EZHIP: variants seen among roughly 807,000 people sequenced by gnomAD.
EZHIP encodes the protein EZH inhibitory protein.
For missense variants in EZHIP, 428 were observed against 204.2 expected, an observed-to-expected ratio of 2.10 and a Z score of -6.68; for synonymous variants, 192 against 86.5, an observed-to-expected ratio of 2.22 and a Z score of -6.77.
At position 51,407,159 on chromosome X, in the gene EZHIP, T is replaced by G. The variant is rs781888788; in HGVS notation, c.143T>G (p.Val48Gly). 1 of 568,434 alleles carries G rather than the reference T, an allele frequency of 1.8e-6. No individual in the cohort carries two copies. The highest frequency in any genetic ancestry group is 2.2e-5 in the African/African-American group (1 of 44,587). The allele number at this position is 568,434 out of a possible 1,213,427, so 46.8% of individuals were successfully genotyped here. ...NQDPAASVTTVSSQASPSGGA... is the reference protein window; with the variant it reads ...NQDPAASVTTGSSQASPSGGA... The stretch of plus-strand genomic sequence containing the variant: ...GATCCTGCTGCTTCCGTCACCACAG[T>G]CTCCAGCCAAGCATCTCCCTCGGGC... Residue 48 changes from valine (V) to glycine (G), a missense_variant, in exon 1 of 1, where the codon GTC (valine) becomes GGC (glycine). Val to Gly is a moderately radical substitution (Grantham distance 109). Transcript: ENST00000342995.
chrX:51,407,032 G>A lies in EZHIP; in HGVS notation c.16G>A (p.Asp6Asn), dbSNP rs1454054429. 1.1e-5 allele frequency: 6 copies of A among 567,892 alleles called. No homozygotes were observed. Among genetic ancestry groups the A allele is most frequent in the Non-Finnish European group, 1.6e-5 (5 of 308,268 alleles). 46.8% of individuals were successfully genotyped at this position (567,892 alleles called of 1,213,427 possible). A position where few individuals can be genotyped will look rare whatever the true frequency, so the allele number is the denominator to read the frequency against. The change falls in exon 1 of 1, where the codon GAC becomes AAC. Residue 6 changes from aspartate (D) to asparagine (N), a missense_variant. By Grantham distance (23) the Asp-to-Asn change is conservative. Coordinates refer to ENST00000342995, the MANE Select transcript of EZHIP (RefSeq NM_203407.3). ...ACCTGGCGTTATGGCCACTCAGTCAGACATGGAGAAGGAGCAGAAGCACCA... is the reference window on the plus strand; with the variant it reads ...ACCTGGCGTTATGGCCACTCAGTCAAACATGGAGAAGGAGCAGAAGCACCA... MATQSDMEKEQKHQQD... is the reference protein window; with the variant it reads MATQSNMEKEQKHQQD...
chrX:51,407,725 G>A lies in EZHIP; in HGVS notation c.709G>A (p.Gly237Ser), dbSNP rs1924108901. The change falls in exon 1 of 1, where the codon GGC (glycine) becomes AGC (serine). Residue 237 changes from glycine (G) to serine (S), a missense_variant. Physicochemically the swap from Gly to Ser is moderately conservative, Grantham distance 56 (BLOSUM62 0). Coordinates refer to ENST00000342995, the MANE Select transcript of EZHIP (RefSeq NM_203407.3). ...ATCTGGTCCAGGCCCTGTCATCCGA[G>A]GCTGCACCGCCCAGCCAGGCCCTGC... ...RASGPGPVIR[G>S]CTAQPGPAFP... The A allele has an allele frequency of 1.8e-6, 1 of 566,218 alleles. No homozygotes were observed. The highest frequency in any genetic ancestry group is 3.3e-6 in the Non-Finnish European group (1 of 307,562). 46.7% of individuals were successfully genotyped at this position (566,218 alleles called of 1,213,427 possible). A position where few individuals can be genotyped will look rare whatever the true frequency, so the allele number is the denominator to read the frequency against.
In EZHIP at chrX:51,408,144, A is replaced by G. The variant is rs1557318914; in HGVS notation, c.1128A>G (p.Ser376=). 5.3e-6 allele frequency: 3 copies of G among 571,132 alleles called. No homozygotes were observed. The highest frequency in any genetic ancestry group is 4.4e-5 in the Admixed American group (2 of 45,332). The allele number at this position is 571,132 out of a possible 1,213,427, so 47.1% of individuals were successfully genotyped here. A position where few individuals can be genotyped will look rare whatever the true frequency, so the allele number is the denominator to read the frequency against. ...ADENPSCGTG[S]ERLAFQSRSG... is the part of the protein sequence containing the mutation. ...AGAATCCTTCCTGTGGGACTGGCTC[A>G]GAAAGGCTTGCCTTTCAGAGCAGAT... Residue 376 remains serine, a synonymous_variant, in exon 1 of 1, where the codon TCA becomes TCG. Coordinates refer to ENST00000342995, the MANE Select transcript of EZHIP (RefSeq NM_203407.3).
rs782367544 is a variant in EZHIP at position 51,407,622 on chromosome X, C to A, written c.606C>A (p.Leu202=). 18 of 561,678 alleles carry A rather than the reference C, an allele frequency of 3.2e-5. No homozygotes were observed. The Admixed American group carries it at 3.8e-4, about 12-fold the overall frequency. The allele number at this position is 561,678 out of a possible 1,213,427, so 46.3% of individuals were successfully genotyped here. A position where few individuals can be genotyped will look rare whatever the true frequency, so the allele number is the denominator to read the frequency against. ...AGGCAACCCAGCCAGGCCCTGCACT[C>A]CTAAGCCACGCATCTGAGGCAAGGC... is the stretch of plus-strand genomic sequence containing the variant. The part of the protein sequence containing the change: ...SSQATQPGPA[L]LSHASEARPA... The change falls in exon 1 of 1, where the codon CTC becomes CTA. Residue 202 remains leucine, a synonymous_variant. Transcript: ENST00000342995.
chrX:51,406,957 C>T lies in EZHIP; in HGVS notation c.-60C>T. 2 of 522,319 alleles carry T rather than the reference C, an allele frequency of 3.8e-6. No homozygotes were observed. The highest frequency in any genetic ancestry group is 2.7e-5 in the South Asian group (1 of 37,265). 43.0% of individuals were successfully genotyped at this position (522,319 alleles called of 1,213,427 possible). ...CCCACCTTCTTGCTCTACCAGTTCG[C>T]GCTCTCCTCCGGCAGAAGTAGCAGC... is the stretch of plus-strand genomic sequence containing the variant. On this transcript the variant is annotated 5_prime_UTR_variant, in exon 1 of 1. Transcript: ENST00000342995.
chrX:51,407,873 C>T lies in EZHIP; in HGVS notation c.857C>T (p.Pro286Leu), dbSNP rs1412396193. ...GCCCGCCGAGGCTGCGATTCTGCGC[C>T]AGGCCCTGCCCGCCGAGGCCGCGAT... ...GPARRGCDSA[P>L]GPARRGRDSA... The change falls in exon 1 of 1, where the codon CCA becomes CTA. Residue 286 changes from proline to leucine, a missense_variant. Transcript: ENST00000342995. The T allele has an allele frequency of 1.8e-6, 1 of 558,771 alleles. No homozygotes were observed. The highest frequency in any genetic ancestry group is 3.3e-6 in the Non-Finnish European group (1 of 305,530). 46.0% of individuals were successfully genotyped at this position (558,771 alleles called of 1,213,427 possible).
At position 51,408,066 on chromosome X, in the gene EZHIP, C is replaced by A; in HGVS notation, c.1050C>A (p.Thr350=). The change falls in exon 1 of 1, where the codon ACC becomes ACA. Residue 350 remains threonine (T), a synonymous_variant. Transcript: ENST00000342995. ...GCACTGGCCTCCGGAGCCGTTCCACCCAGCAAAGATCAGCCCTTCTCAGCC... is the reference window on the plus strand; with the variant it reads ...GCACTGGCCTCCGGAGCCGTTCCACACAGCAAAGATCAGCCCTTCTCAGCC... ...TPGTGLRSRS[T]QQRSALLSRR... 1 of 571,268 alleles carries A rather than the reference C, an allele frequency of 1.8e-6. No homozygotes were observed. The highest frequency in any genetic ancestry group is 3.2e-6 in the Non-Finnish European group (1 of 309,438). 47.1% of individuals were successfully genotyped at this position (571,268 alleles called of 1,213,427 possible). A position where few individuals can be genotyped will look rare whatever the true frequency, so the allele number is the denominator to read the frequency against.
Position 51,408,063 on chromosome X carries a change from C to T in EZHIP, c.1047C>T (p.Ser349=), listed in dbSNP as rs1557318881. Residue 349 remains serine (S), a synonymous_variant, in exon 1 of 1, where the codon TCC becomes TCT. Coordinates refer to ENST00000342995, the MANE Select transcript of EZHIP (RefSeq NM_203407.3). ...TTPGTGLRSR[S]TQQRSALLSR... is the part of the protein sequence containing the mutation. ...CAGGCACTGGCCTCCGGAGCCGTTC[C>T]ACCCAGCAAAGATCAGCCCTTCTCA... 7 of 571,244 alleles carry T rather than the reference C, an allele frequency of 1.2e-5. No individual in the cohort carries two copies. The highest frequency in any genetic ancestry group is 1.9e-5 in the Non-Finnish European group (6 of 309,482). The allele number at this position is 571,244 out of a possible 1,213,427, so 47.1% of individuals were successfully genotyped here.
Position 51,407,983 on chromosome X carries a change from C to T in EZHIP, c.967C>T (p.Leu323Phe). ...CCGCGATTCTGCGCCAGGCCCTGCC[C>T]TTCGCGTCCGCACAGCAAGGTCAGA... ...RGRDSAPGPALRVRTARSDAG... is the reference protein window; with the variant it reads ...RGRDSAPGPAFRVRTARSDAG... Residue 323 changes from leucine (L) to phenylalanine (F), a missense_variant, in exon 1 of 1, where the codon CTT becomes TTT. Transcript: ENST00000342995. 1 of 567,587 alleles carries T rather than the reference C, an allele frequency of 1.8e-6. No homozygotes were observed. The allele number at this position is 567,587 out of a possible 1,213,427, so 46.8% of individuals were successfully genotyped here. A position where few individuals can be genotyped will look rare whatever the true frequency, so the allele number is the denominator to read the frequency against.
chrX:51,408,323 ACTC>A lies in EZHIP; in HGVS notation c.1315_1317del (p.Ser439del), dbSNP rs1455913265. On this transcript the variant is annotated inframe_deletion, in exon 1 of 1. Coordinates refer to ENST00000342995, the MANE Select transcript of EZHIP (RefSeq NM_203407.3). ...AGCTCCTCCTCCTCCTATGCTTCCA[ACTC>A]CTCCTCCCCGAGTAGGTCTCCTGGC... 2 of 565,922 alleles carry A rather than the reference ACTC, an allele frequency of 3.5e-6. No homozygotes were observed. The highest frequency in any genetic ancestry group is 3.3e-5 in the East Asian group (1 of 30,608). The allele number at this position is 565,922 out of a possible 1,213,427, so 46.6% of individuals were successfully genotyped here. A position where few individuals can be genotyped will look rare whatever the true frequency, so the allele number is the denominator to read the frequency against.
In EZHIP at chrX:51,406,985, C is replaced by G. The variant is rs1419470079; in HGVS notation, c.-32C>G. On this transcript the variant is annotated 5_prime_UTR_variant, in exon 1 of 1. Coordinates refer to ENST00000342995, the MANE Select transcript of EZHIP (RefSeq NM_203407.3). The stretch of plus-strand genomic sequence containing the variant: ...TCTCCTCCGGCAGAAGTAGCAGCTG[C>G]GCTCTTGCTCTCTGGGGGAGAACCT... 3.7e-6 allele frequency: 2 copies of G among 547,760 alleles called. No individual in the cohort carries two copies. Among genetic ancestry groups the G allele is most frequent in the Non-Finnish European group, 6.7e-6 (2 of 296,537 alleles). The allele number at this position is 547,760 out of a possible 1,213,427, so 45.1% of individuals were successfully genotyped here.
In EZHIP at chrX:51,407,938, C is replaced by G. The variant is rs782371062; in HGVS notation, c.922C>G (p.Pro308Ala). ...TGCCCCCCGAGGCCGCGATTCTGCG[C>G]CAGGCTCTGCCCGCCGAGGCCGCGA... Reference protein sequence around the residue: ...VSAPRGRDSAPGSARRGRDSA... With the variant: ...VSAPRGRDSAAGSARRGRDSA... Residue 308 changes from proline to alanine, a missense_variant, in exon 1 of 1, where the codon CCA becomes GCA. Pro to Ala is a conservative substitution (Grantham distance 27). Transcript: ENST00000342995. 15 of 558,509 alleles carry G rather than the reference C, an allele frequency of 2.7e-5. No homozygotes were observed. Among genetic ancestry groups the G allele is most frequent in the Non-Finnish European group, 4.9e-5 (15 of 306,425 alleles). 46.0% of individuals were successfully genotyped at this position (558,509 alleles called of 1,213,427 possible).
In EZHIP at chrX:51,407,926, C is replaced by A. The variant is rs781949554; in HGVS notation, c.910C>A (p.Arg304Ser). Residue 304 changes from arginine to serine, a missense_variant, in exon 1 of 1, where the codon CGC becomes AGC. Physicochemically the swap from Arg to Ser is moderately radical, Grantham distance 110. Coordinates refer to ENST00000342995, the MANE Select transcript of EZHIP (RefSeq NM_203407.3). ...DSAPVSAPRG[R>S]DSAPGSARRG... The stretch of plus-strand genomic sequence containing the variant: ...TGCGCCAGTCTCTGCCCCCCGAGGC[C>A]GCGATTCTGCGCCAGGCTCTGCCCG... 11 of 556,509 alleles carry A rather than the reference C, an allele frequency of 2.0e-5. No individual in the cohort carries two copies. The highest frequency in any genetic ancestry group is 3.6e-5 in the Non-Finnish European group (11 of 305,802). 45.9% of individuals were successfully genotyped at this position (556,509 alleles called of 1,213,427 possible).
rs1419470079 is a variant in EZHIP, at chrX:51,406,985, C to T, written c.-32C>T. The stretch of plus-strand genomic sequence containing the variant: ...TCTCCTCCGGCAGAAGTAGCAGCTG[C>T]GCTCTTGCTCTCTGGGGGAGAACCT... On this transcript the variant is annotated 5_prime_UTR_variant, in exon 1 of 1. Transcript: ENST00000342995. The T allele has an allele frequency of 2.2e-5, 12 of 547,760 alleles. No homozygotes were observed. The highest frequency in any genetic ancestry group is 1.5e-4 in the South Asian group (6 of 40,953). The allele number at this position is 547,760 out of a possible 1,213,427, so 45.1% of individuals were successfully genotyped here. A position where few individuals can be genotyped will look rare whatever the true frequency, so the allele number is the denominator to read the frequency against.
Position 51,408,299 on chromosome X carries a change from G to GCTC in EZHIP, c.1295_1297dup (p.Ser432dup), listed in dbSNP as rs781810516. On this transcript the variant is annotated inframe_insertion, in exon 1 of 1. Transcript: ENST00000342995. ...CCCATCCCTCAGCAGTGGGATGAGAGCTCCTCCTCCTCCTATGCTTCCAAC... is the reference window on the plus strand; with the variant it reads ...CCCATCCCTCAGCAGTGGGATGAGAGCTCCTCCTCCTCCTCCTATGCTTCCAAC... 1 of 569,143 alleles carries GCTC rather than the reference G, an allele frequency of 1.8e-6. No homozygotes were observed. Among genetic ancestry groups the GCTC allele is most frequent in the Admixed American group, 2.2e-5 (1 of 45,021 alleles). 46.9% of individuals were successfully genotyped at this position (569,143 alleles called of 1,213,427 possible).
In EZHIP at chrX:51,408,401, C is replaced by T; in HGVS notation, c.1385C>T (p.Ser462Phe). The change falls in exon 1 of 1, where the codon TCC (serine) becomes TTC (phenylalanine). Residue 462 changes from serine (S) to phenylalanine (F), a missense_variant. By Grantham distance (155) the Ser-to-Phe change is radical (BLOSUM62 -2). Transcript: ENST00000342995. The stretch of plus-strand genomic sequence containing the variant: ...GAGTTTTTGGGCCTGAGATCTATCT[C>T]CACTCCTAGCCCTGAAAGCCTTAGG... Reference protein sequence around the residue: ...SPEFLGLRSISTPSPESLRYA... With the variant: ...SPEFLGLRSIFTPSPESLRYA... 1.8e-6 allele frequency: 1 copy of T among 571,124 alleles called. No homozygotes were observed. Among genetic ancestry groups the T allele is most frequent in the Non-Finnish European group, 3.2e-6 (1 of 309,601 alleles). The allele number at this position is 571,124 out of a possible 1,213,427, so 47.1% of individuals were successfully genotyped here. A position where few individuals can be genotyped will look rare whatever the true frequency, so the allele number is the denominator to read the frequency against.
chrX:51,407,089 G>A lies in EZHIP; in HGVS notation c.73G>A (p.Glu25Lys), dbSNP rs2065310708. Reference sequence around the variant, plus strand: ...CGAGGGGCAGGGAGGGCTGAACAACGAAACCGCCCTTGCCTCCGGGGATGC... The same window carrying A: ...CGAGGGGCAGGGAGGGCTGAACAACAAAACCGCCCTTGCCTCCGGGGATGC... Reference protein sequence around the residue: ...QDEGQGGLNNETALASGDACG... With the variant: ...QDEGQGGLNNKTALASGDACG... The change falls in exon 1 of 1, where the codon GAA (glutamate) becomes AAA (lysine). Residue 25 changes from glutamate (E) to lysine (K), a missense_variant. Coordinates refer to ENST00000342995, the MANE Select transcript of EZHIP (RefSeq NM_203407.3). 4 of 568,937 alleles carry A rather than the reference G, an allele frequency of 7.0e-6. No homozygotes were observed. The highest frequency in any genetic ancestry group is 1.3e-5 in the Non-Finnish European group (4 of 309,074). 46.9% of individuals were successfully genotyped at this position (568,937 alleles called of 1,213,427 possible). A position where few individuals can be genotyped will look rare whatever the true frequency, so the allele number is the denominator to read the frequency against.
chrX:51,407,819 G>T lies in EZHIP; in HGVS notation c.803G>T (p.Arg268Leu). 1.8e-6 allele frequency: 1 copy of T among 558,045 alleles called. No individual in the cohort carries two copies. 46.0% of individuals were successfully genotyped at this position (558,045 alleles called of 1,213,427 possible). A position where few individuals can be genotyped will look rare whatever the true frequency, so the allele number is the denominator to read the frequency against. Residue 268 changes from arginine to leucine, a missense_variant, in exon 1 of 1, where the codon CGC becomes CTC. Physicochemically the swap from Arg to Leu is moderately radical, Grantham distance 102. Coordinates refer to ENST00000342995, the MANE Select transcript of EZHIP (RefSeq NM_203407.3). ...LSPESAPGPA[R>L]RGRASVPGPA... ...CCTGAATCTGCGCCAGGCCCTGCCC[G>T]CCGAGGCCGTGCATCTGTGCCAGGC...
At position 51,408,064 on chromosome X, in the gene EZHIP, A is replaced by T. The variant is rs782677524; in HGVS notation, c.1048A>T (p.Thr350Ser). The T allele has an allele frequency of 1.8e-6, 1 of 569,839 alleles. No individual in the cohort carries two copies. The highest frequency in any genetic ancestry group is 2.2e-5 in the African/African-American group (1 of 45,106). The allele number at this position is 569,839 out of a possible 1,213,427, so 47.0% of individuals were successfully genotyped here. Residue 350 changes from threonine to serine, a missense_variant, in exon 1 of 1, where the codon ACC (threonine) becomes TCC (serine). Transcript: ENST00000342995. ...AGGCACTGGCCTCCGGAGCCGTTCC[A>T]CCCAGCAAAGATCAGCCCTTCTCAG... ...TPGTGLRSRS[T>S]QQRSALLSRR...
Sources: gnomAD v4.1 joint callset for allele counts on GRCh38, gnomAD v4.1.1 for gene constraint, MANE v1.5 for transcripts, NCBI Gene and HGNC (gene_info 2026-07-23, HGNC 2026-07-21) for gene names.